Variants in MARCHF4 observed in about 807,000 individuals in gnomAD.
MARCHF4 encodes the protein membrane associated ring-CH-type finger 4, also known as E3 ubiquitin-protein ligase MARCHF4.
In MARCHF4, 14 loss-of-function variants were observed where a neutral mutation model predicts 43.9. That is an observed-to-expected ratio of 0.32 (90% confidence interval 0.21 to 0.50). The LOEUF is 0.50. Among genes scored for constraint, MARCHF4 ranks in the 20% least tolerant of loss-of-function variants. The pLI, the probability that MARCHF4 is intolerant of heterozygous loss-of-function variation, is 0.98. For missense variants in MARCHF4, 468 were observed against 536.7 expected (o/e 0.87, Z 1.27); for synonymous variants, 226 against 213.3 (o/e 1.06, Z -0.52).
At chr2:216,323,991 C>T (rs573700188) in intron 1 of MARCHF4, among the ~76,000 whole-genome samples, 2 of 151,866 alleles carry the variant, frequency 1.3e-5, no homozygotes, top group African/African-American at 4.8e-5. Context: ...AATAGACACA[C>T]AAAAAAACCC....
chr2:216,299,720 A>T (rs1691456802), intron 1 of MARCHF4, among the ~76,000 whole-genome samples: 1 of 152,190 alleles, frequency 6.6e-6, no homozygotes, highest in Non-Finnish European at 1.5e-5. Context: ...ATGCATTCCA[A>T]AATTAGTGTC....
chr2:216,323,769 A>G (rs1458510422), intron 1 of MARCHF4, among the ~76,000 whole-genome samples: 1 of 152,224 alleles, frequency 6.6e-6, no homozygotes, highest in Non-Finnish European at 1.5e-5. Context: ...AACCAACGAG[A>G]ACAAAGACAC....
intron 1 of MARCHF4, among the ~76,000 whole-genome samples, chr2:216,314,266 T>C (rs77603855): frequency 0.011 from 1,652 of 152,140 alleles, 33 homozygotes; most frequent in African/African-American, 0.038. Flanking sequence ...CTGCCCTCCA[T>C]AGAGTTTACA....
chr2:216,294,325 G>A (rs1335332138), intron 1 of MARCHF4, among the ~76,000 whole-genome samples: 2 of 152,254 alleles, frequency 1.3e-5, no homozygotes, highest in South Asian at 2.1e-4. Context: ...TTCTTTGTAG[G>A]AGCTATGGTG....
At chr2:216,312,031 G>A (rs947113434) in intron 1 of MARCHF4, among the ~76,000 whole-genome samples, 2 of 152,120 alleles carry the variant, frequency 1.3e-5, no homozygotes, top group Non-Finnish European at 2.9e-5. Flanking sequence ...TGTTACATGG[G>A]TATATTGTGT....
intron 1 of MARCHF4, among the ~76,000 whole-genome samples, chr2:216,307,959 C>T (rs541264881): frequency 6.6e-6 from 1 of 152,200 alleles, no homozygotes; most frequent in East Asian, 1.9e-4. Context: ...AGAAGGCTGA[C>T]ATGGGAGGAT....
At chr2:216,287,540 C>T (rs887254103) in intron 1 of MARCHF4, among the ~76,000 whole-genome samples, 2 of 149,558 alleles carry the variant, frequency 1.3e-5, no homozygotes, top group African/African-American at 5.0e-5. Context: ...CCAAGGGACA[C>T]ACTGTGGGGG....
At chr2:216,355,466 A>C (rs1353205270) in intron 1 of MARCHF4, among the ~76,000 whole-genome samples, 1 of 152,194 alleles carries the variant, frequency 6.6e-6, no homozygotes, top group Non-Finnish European at 1.5e-5. Flanking sequence ...CCTCATGTCA[A>C]AGACACACTT....
chr2:216,351,895 CA>C (rs925983402), intron 1 of MARCHF4, among the ~76,000 whole-genome samples: 24 of 151,842 alleles, frequency 1.6e-4, no homozygotes, highest in African/African-American at 5.6e-4. Flanking sequence ...TTTAAAAGGA[CA>C]AAAAAAGGCA....
At position 216,297,413 on chromosome 2, in the gene MARCHF4, A is replaced by G. The variant is rs1342008197; in HGVS notation, c.517-13684T>C. Among the ~76,000 whole-genome samples, 3 of 152,268 alleles carry G rather than the reference A, an allele frequency of 2.0e-5. No homozygotes were observed. The East Asian group carries it at 5.8e-4, about 29-fold the overall frequency. On this transcript the variant is annotated intron_variant, in intron 1 of 3. Transcript: ENST00000273067. Reference sequence around the variant, plus strand: ...ATGAGACAGGGCCAAAGCTCATAGAACAGCCCACACCTCTGCACTCAGGGA... The same window carrying G: ...ATGAGACAGGGCCAAAGCTCATAGAGCAGCCCACACCTCTGCACTCAGGGA...
At chr2:216,313,352 A>T (rs73064479) in intron 1 of MARCHF4, among the ~76,000 whole-genome samples, 4,878 of 152,316 alleles carry the variant, frequency 0.032, 270 homozygotes, top group African/African-American at 0.11. Context: ...TTTGATTATT[A>T]GTAAAGTTGA....
chr2:216,362,708 T>C (rs1692604021), intron 1 of MARCHF4, among the ~76,000 whole-genome samples: 1 of 152,222 alleles, frequency 6.6e-6, no homozygotes, highest in African/African-American at 2.4e-5. Context: ...AATTTGCATC[T>C]ACCTGGATTT....
rs1691350066 is a variant in MARCHF4, at chr2:216,293,794, A to C, written c.517-10065T>G. Among the ~76,000 whole-genome samples the C allele has an allele frequency of 1.5e-5, 2 of 136,000 alleles. 1 individual carries two copies. Among genetic ancestry groups the C allele is most frequent in the Non-Finnish European group, 3.4e-5 (2 of 58,688 alleles). 89.2% of individuals were successfully genotyped at this position (136,000 alleles called of 152,430 possible). On this transcript the variant is annotated intron_variant, in intron 1 of 3. Transcript: ENST00000273067. ...GAAGAACTTAGCCTCACAATAATTG[A>C]ATTTAAATAACATCCAATTCTATGA... is the stretch of plus-strand genomic sequence containing the variant.
At chr2:216,358,497 G>T (rs1308447026) in intron 1 of MARCHF4, among the ~76,000 whole-genome samples, 1 of 152,186 alleles carries the variant, frequency 6.6e-6, no homozygotes, top group Admixed American at 6.5e-5. Context: ...TGTGACTGGG[G>T]CATGATAAGG....
chr2:216,311,203 G>A (rs1400282540), intron 1 of MARCHF4, among the ~76,000 whole-genome samples: 1 of 152,032 alleles, frequency 6.6e-6, no homozygotes, highest in Admixed American at 6.6e-5. Flanking sequence ...AATATTATTG[G>A]TGAGGGCTCC....
chr2:216,266,631 G>T (rs1690849123), intron 3 of MARCHF4, among the ~76,000 whole-genome samples: 1 of 152,266 alleles, frequency 6.6e-6, no homozygotes, highest in Non-Finnish European at 1.5e-5. Flanking sequence ...CTGTCAGACA[G>T]CTATGGGGTG....
intron 3 of MARCHF4, among the ~76,000 whole-genome samples, chr2:216,268,670 A>C (rs1318709971): frequency 1.3e-5 from 2 of 152,294 alleles, no homozygotes; most frequent in East Asian, 3.9e-4. Context: ...GCAGTGTGAA[A>C]ATGGACTAAT....
intron 1 of MARCHF4, among the ~76,000 whole-genome samples, chr2:216,315,137 A>G (rs531702207): frequency 6.6e-6 from 1 of 152,358 alleles, no homozygotes; most frequent in African/African-American, 2.4e-5. Flanking sequence ...GGTCAAGCAA[A>G]TTCACAAAAC....
At chr2:216,356,139 C>G (rs1193473991) in intron 1 of MARCHF4, among the ~76,000 whole-genome samples, 4 of 152,228 alleles carry the variant, frequency 2.6e-5, no homozygotes, top group Non-Finnish European at 4.4e-5. Context: ...TGCGAAGGCA[C>G]TTTTTTGGCG....
Sources: gnomAD v4.1 joint callset for allele counts (sites outside exome capture counted in the v4.1 genomes callset) on GRCh38, gnomAD v4.1.1 for gene constraint, MANE v1.5 for transcripts, NCBI Gene and HGNC (gene_info 2026-07-23, HGNC 2026-07-21) for gene names.